ZNF69: variants seen among roughly 807,000 people sequenced by gnomAD.
The protein encoded by ZNF69 is zinc finger protein 69.
Under a neutral mutation model 50.9 loss-of-function variants are expected in ZNF69, and 47 were observed. That is an observed-to-expected ratio of 0.92 (90% confidence interval 0.73 to 1.18). The LOEUF (loss-of-function observed/expected upper bound fraction) is 1.18, where lower values mean the gene tolerates loss of function less well. Among genes scored for constraint, ZNF69 ranks in the 50% most tolerant of loss-of-function variants. ZNF69 has a pLI of 0.00. For missense variants in ZNF69, 717 were observed against 675.1 expected, an observed-to-expected ratio of 1.06 and a Z score of -0.69; for synonymous variants, 216 against 223.1, an observed-to-expected ratio of 0.97 and a Z score of 0.29.
the ZNF69 span, chr19:11,948,481 G>C: frequency 1.2e-6 from 2 of 1,613,970 alleles, no homozygotes; most frequent in Non-Finnish European, 1.7e-6. Context: ...TGGACACAAG[G>C]CATATGAGTA....
chr19:11,962,732 A>C, the ZNF69 span, among the ~76,000 whole-genome samples: 6 of 152,180 alleles, frequency 3.9e-5, no homozygotes, highest in Non-Finnish European at 8.8e-5. Context: ...AGTTAACCGG[A>C]ACTATCATTT....
chr19:11,965,319 G>T, the ZNF69 span: 1 of 1,491,592 alleles, frequency 6.7e-7, no homozygotes, highest in East Asian at 2.4e-5. Flanking sequence ...TCCAGGGTCT[G>T]GGACCGAGTC....
At chr19:11,955,156 C>T in the ZNF69 span, among the ~76,000 whole-genome samples, 2 of 151,702 alleles carry the variant, frequency 1.3e-5, no homozygotes, top group African/African-American at 4.8e-5. Context: ...AGGCGCATAC[C>T]ACCATGCCTG....
chr19:11,919,281 A>G (rs966417945), downstream of ZNF69, among the ~76,000 whole-genome samples: 19 of 151,974 alleles, frequency 1.3e-4, no homozygotes, highest in African/African-American at 3.9e-4. Context: ...TTCATCCTTC[A>G]TGCAATCATA....
the ZNF69 span, chr19:11,949,328 T>C: frequency 2.5e-6 from 4 of 1,611,602 alleles, no homozygotes; most frequent in East Asian, 9.0e-5. Flanking sequence ...CAGCTTCGAG[T>C]GCACGGTGGG....
chr19:11,939,034 G>A, the ZNF69 span, among the ~76,000 whole-genome samples: 75 of 152,328 alleles, frequency 4.9e-4, no homozygotes, highest in Middle Eastern at 3.4e-3. Context: ...CTTTTGAGAA[G>A]TGTCTGTTCA....
chr19:11,938,160 C>A, the ZNF69 span, among the ~76,000 whole-genome samples: 1 of 151,686 alleles, frequency 6.6e-6, no homozygotes, highest in East Asian at 2.0e-4. Flanking sequence ...CCTCCATCTC[C>A]CAGGTTCAAA....
At chr19:11,976,106 G>A in the ZNF69 span, among the ~76,000 whole-genome samples, 1 of 146,614 alleles carries the variant, frequency 6.8e-6, no homozygotes, top group African/African-American at 2.6e-5. Context: ...ATGTCCCAGG[G>A]ACTCTCTCTC....
chr19:11,961,419 T>C, the ZNF69 span, among the ~76,000 whole-genome samples: 13 of 152,236 alleles, frequency 8.5e-5, no homozygotes, highest in East Asian at 1.9e-4. Context: ...TGTTTTGTTA[T>C]ACTAGCCTGA....
chr19:11,949,167 A>G, the ZNF69 span: 7 of 1,612,190 alleles, frequency 4.3e-6, no homozygotes, highest in Non-Finnish European at 5.9e-6. Context: ...AAACACATGA[A>G]AAAACTCACA....
the ZNF69 span, among the ~76,000 whole-genome samples, chr19:11,959,994 C>T: frequency 6.6e-6 from 1 of 151,232 alleles, no homozygotes; most frequent in Non-Finnish European, 1.5e-5. Flanking sequence ...TTGCAGTTCC[C>T]AGTCATCCTC....
the ZNF69 span, among the ~76,000 whole-genome samples, chr19:11,942,261 C>A: frequency 5.9e-5 from 9 of 151,536 alleles, no homozygotes; most frequent in African/African-American, 2.2e-4. Flanking sequence ...TCTTGGCTAG[C>A]TATCTGCCTT....
chr19:11,892,972 T>TTACA (rs1194477420), intron 1 of ZNF69, among the ~76,000 whole-genome samples: 4 of 152,106 alleles, frequency 2.6e-5, no homozygotes, highest in South Asian at 2.1e-4. Context: ...GTAGCTGGGA[T>TTACA]TACATGCATG....
chr19:11,970,424 A>G, the ZNF69 span, among the ~76,000 whole-genome samples: 1 of 152,240 alleles, frequency 6.6e-6, no homozygotes, highest in Non-Finnish European at 1.5e-5. Context: ...CTGTTATAAC[A>G]ACGTTAAATC....
the ZNF69 span, chr19:11,925,413 C>G: frequency 7.3e-7 from 1 of 1,371,898 alleles, no homozygotes; most frequent in Non-Finnish European, 9.7e-7. Context: ...GTTCGGCCCT[C>G]GGTCCCCTTG....
chr19:11,977,802 A>T, the ZNF69 span, among the ~76,000 whole-genome samples: 1 of 152,208 alleles, frequency 6.6e-6, no homozygotes. Flanking sequence ...AGGCTGTGGT[A>T]AGCAATGATG....
the ZNF69 span, chr19:11,977,248 T>G: frequency 1.2e-6 from 2 of 1,605,442 alleles, no homozygotes; most frequent in Non-Finnish European, 1.7e-6. Context: ...ATTTGGAACA[T>G]AGACAGGAAA....
At chr19:11,948,947 G>T in the ZNF69 span, 7 of 1,608,420 alleles carry the variant, frequency 4.4e-6, no homozygotes, top group East Asian at 1.6e-4. Context: ...CCTTATCAAT[G>T]CAAAGAATGT....
the ZNF69 span, chr19:11,977,146 A>T: frequency 6.2e-7 from 1 of 1,614,152 alleles, no homozygotes; most frequent in Non-Finnish European, 8.5e-7. Flanking sequence ...GGAAACTTTC[A>T]GGAACCTGAC....
Sources: gnomAD v4.1 joint callset for allele counts (sites outside exome capture counted in the v4.1 genomes callset) on GRCh38, gnomAD v4.1.1 for gene constraint, MANE v1.5 for transcripts, NCBI Gene and HGNC (gene_info 2026-07-23, HGNC 2026-07-21) for gene names.